CHUK: variants seen among roughly 807,000 people sequenced by gnomAD.
The protein encoded by CHUK is inhibitor of nuclear factor kappa-B kinase subunit alpha.
Under a neutral mutation model 104.8 loss-of-function variants are expected in CHUK, and 35 were observed. The ratio of observed to expected loss-of-function variants is 0.33; its 90% confidence interval spans 0.26 to 0.44. The LOEUF (loss-of-function observed/expected upper bound fraction) is 0.44, where lower values mean the gene tolerates loss of function less well. Among genes scored for constraint, CHUK ranks in the 20% least tolerant of loss-of-function variants. The pLI, the probability that CHUK is intolerant of heterozygous loss-of-function variation, is 1.00. For synonymous variants in CHUK, 276 were observed against 291.9 expected (o/e 0.95, Z 0.56); for missense variants, 663 against 902.7 (o/e 0.73, Z 3.40).
chr10:100,228,016 C>T (rs1471482810), intron 1 of CHUK, among the ~76,000 whole-genome samples: 1 of 152,160 alleles, frequency 6.6e-6, no homozygotes, highest in Non-Finnish European at 1.5e-5. Context: ...TTCCTTAAGG[C>T]CAATTAATGA....
chr10:100,189,637 G>T lies in CHUK; in HGVS notation c.2209-10C>A. The T allele has an allele frequency of 6.2e-7, 1 of 1,608,258 alleles. No individual in the cohort carries two copies. Among genetic ancestry groups the T allele is most frequent in the Non-Finnish European group, 8.5e-7 (1 of 1,174,770 alleles). On this transcript the variant is annotated splice_polypyrimidine_tract_variant and intron_variant, in intron 20 of 20. Coordinates refer to ENST00000370397, the MANE Select transcript of CHUK (RefSeq NM_001278.5). ...AACTCCAATCAAGATTCTAAAACCA[G>T]GCATGAAAAAGTTACAATTAGATGT...
intron 18 of CHUK, 92 bp from the exon 19 acceptor site, chr10:100,193,523 C>T: frequency 5.6e-6 from 8 of 1,428,110 alleles, no homozygotes; most frequent in Non-Finnish European, 7.8e-6. Context: ...ACTTACATTT[C>T]CGTTACTACT....
intron 2 of CHUK, among the ~76,000 whole-genome samples, chr10:100,225,274 TGGCAA>T (rs1434668331): frequency 2.6e-5 from 4 of 152,254 alleles, no homozygotes; most frequent in African/African-American, 9.6e-5. Flanking sequence ...CTTCACCCTC[TGGCAA>T]ACACCATTCT....
In CHUK at chr10:100,190,916, T is replaced by C. The variant is rs763933436; in HGVS notation, c.2161A>G (p.Ser721Gly). 1.2e-6 allele frequency: 2 copies of C among 1,612,930 alleles called. No homozygotes were observed. Among genetic ancestry groups the C allele is most frequent in the African/African-American group, 1.3e-5 (1 of 74,910 alleles). ...EENLNCLGHL[S>G]TIIHEANEEQ... The stretch of plus-strand genomic sequence containing the variant: ...TCATTTGCCTCATGAATAATAGTGC[T>C]TAAATGGCCAAGGCAGTTCAAATTT... The change falls in exon 20 of 21, where the codon AGC becomes GGC. Residue 721 changes from serine (S) to glycine (G), a missense_variant. Ser to Gly is a moderately conservative substitution (Grantham distance 56, BLOSUM62 0). Coordinates refer to ENST00000370397, the MANE Select transcript of CHUK (RefSeq NM_001278.5).
In CHUK at chr10:100,189,513, A is replaced by C. The variant is rs1845145172; in HGVS notation, c.*85T>G. On this transcript the variant is annotated 3_prime_UTR_variant, in exon 21 of 21. Coordinates refer to ENST00000370397, the MANE Select transcript of CHUK (RefSeq NM_001278.5). ...ATTTCTTCCATTGACTGATGTCTGA[A>C]GAATGGTTTCATGGGGGAAAAACAC... is the stretch of plus-strand genomic sequence containing the variant. 1 of 1,040,508 alleles carries C rather than the reference A, an allele frequency of 9.6e-7. No homozygotes were observed. The highest frequency in any genetic ancestry group is 1.6e-5 in the African/African-American group (1 of 64,030). 64.5% of individuals were successfully genotyped at this position (1,040,508 alleles called of 1,614,324 possible).
chr10:100,193,218 G>A, intron 19 of CHUK, 80 bp downstream of exon 19: 1 of 1,491,412 alleles, frequency 6.7e-7, no homozygotes, highest in Non-Finnish European at 9.3e-7. Flanking sequence ...AGGCACAGAA[G>A]ACTACCTTAA....
downstream of CHUK, chr10:100,187,112 A>C (rs1845047397): frequency 2.6e-5 from 4 of 152,258 alleles, no homozygotes; most frequent in African/African-American, 9.7e-5. Flanking sequence ...CTTGGTTCCT[A>C]ACAGGCCACT....
At chr10:100,228,433 C>G (rs900741295) in intron 1 of CHUK, among the ~76,000 whole-genome samples, 1 of 152,158 alleles carries the variant, frequency 6.6e-6, no homozygotes, top group Non-Finnish European at 1.5e-5. Context: ...ACAGGTGGAT[C>G]GCCTGAGGTC....
intron 12 of CHUK, 149 bp from the exon 13 acceptor site, chr10:100,204,806 C>G (rs1323966288): frequency 2.5e-5 from 19 of 770,058 alleles, no homozygotes; most frequent in Non-Finnish European, 3.7e-5. Context: ...GCTCTAGAAT[C>G]TGATCTCTAA....
At position 100,204,568 on chromosome 10, in the gene CHUK, A is replaced by G; in HGVS notation, c.1445T>C (p.Phe482Ser). The change falls in exon 13 of 21, where the codon TTT becomes TCT. Residue 482 changes from phenylalanine (F) to serine (S), a missense_variant. By Grantham distance (155) the Phe-to-Ser change is radical. Transcript: ENST00000370397. ...GTCAAGCTGAATGCTTTTGTGAAAAAACTCCAATTTAGCTTTCAGTTGTTG... is the reference window on the plus strand; with the variant it reads ...GTCAAGCTGAATGCTTTTGTGAAAAGACTCCAATTTAGCTTTCAGTTGTTG... ...ASQQLKAKLE[F>S]FHKSIQLDLE... 1 of 1,613,646 alleles carries G rather than the reference A, an allele frequency of 6.2e-7. No homozygotes were observed. Among genetic ancestry groups the G allele is most frequent in the East Asian group, 2.2e-5 (1 of 44,838 alleles).
Position 100,228,993 on chromosome 10 carries a change from G to GCACACACACACACA in CHUK, c.105+421_105+434dup, listed in dbSNP as rs59218517. Among the ~76,000 whole-genome samples the GCACACACACACACA allele has an allele frequency of 8.6e-3, 1,153 of 133,512 alleles. 18 individuals are homozygous for GCACACACACACACA. The highest frequency in any genetic ancestry group is 0.065 in the East Asian group (282 of 4,330). The allele number at this position is 133,512 out of a possible 152,430, so 87.6% of individuals were successfully genotyped here. On this transcript the variant is annotated intron_variant, in intron 1 of 20. Coordinates refer to ENST00000370397, the MANE Select transcript of CHUK (RefSeq NM_001278.5). ...GGCCTCCAAGCGCGCGCGCGCGCGCGCACACACACACACACACACACACAC... is the reference window on the plus strand; with the variant it reads ...GGCCTCCAAGCGCGCGCGCGCGCGCGCACACACACACACACACACACACACACACACACACACAC...
intron 16 of CHUK, among the ~76,000 whole-genome samples, chr10:100,196,590 A>G (rs567548952): frequency 1.3e-5 from 2 of 151,996 alleles, no homozygotes; most frequent in African/African-American, 4.8e-5. Flanking sequence ...TTGTAGAGAC[A>G]GGGTCTCACT....
chr10:100,209,518 G>A, intron 10 of CHUK, 77 bp downstream of exon 10: 3 of 873,332 alleles, frequency 3.4e-6, no homozygotes, highest in Non-Finnish European at 5.8e-6. Context: ...GGAATTCCAA[G>A]TATGCATAAA....
chr10:100,218,208 T>C, intron 8 of CHUK, 78 bp from the exon 9 acceptor site: 1 of 1,302,160 alleles, frequency 7.7e-7, no homozygotes, highest in Non-Finnish European at 1.1e-6. Flanking sequence ...AAGGTAATTT[T>C]GCAGGTTGTC....
At chr10:100,228,814 T>C (rs1456584251) in intron 1 of CHUK, among the ~76,000 whole-genome samples, 1 of 152,064 alleles carries the variant, frequency 6.6e-6, no homozygotes, top group Non-Finnish European at 1.5e-5. Context: ...ATATAGCCTT[T>C]CGTTTGAAGC....
chr10:100,194,122 C>G lies in CHUK; in HGVS notation c.1836G>C (p.Leu612Phe). The G allele has an allele frequency of 1.2e-6, 2 of 1,613,380 alleles. No homozygotes were observed. Among genetic ancestry groups the G allele is most frequent in the Non-Finnish European group, 1.7e-6 (2 of 1,179,926 alleles). The change falls in exon 18 of 21, where the codon TTG (leucine) becomes TTC (phenylalanine). Residue 612 changes from leucine (L) to phenylalanine (F), a missense_variant. Transcript: ENST00000370397. The part of the protein sequence containing the change: ...KELFGHLSKL[L>F]GCKQKIIDLL... ...GATCAATAATCTTCTGCTTACAGCC[C>G]AACAACTTGCTGGAGAGATTAAATC... is the stretch of plus-strand genomic sequence containing the variant.
At chr10:100,225,482 T>G (rs1188134607) in intron 2 of CHUK, among the ~76,000 whole-genome samples, 1 of 152,244 alleles carries the variant, frequency 6.6e-6, no homozygotes, top group African/African-American at 2.4e-5. Context: ...TACCACATTT[T>G]GTTTATACAT....
At chr10:100,201,940 C>T in intron 14 of CHUK, 148 bp downstream of exon 14, 1 of 690,222 alleles carries the variant, frequency 1.4e-6, no homozygotes, top group Non-Finnish European at 2.6e-6. Context: ...TATGATACAT[C>T]CCTCTTTATA....
intron 14 of CHUK, 61 bp downstream of exon 14, chr10:100,202,027 A>G: frequency 8.0e-7 from 1 of 1,244,584 alleles, no homozygotes; most frequent in Non-Finnish European, 1.2e-6. Context: ...AAAACCAAAG[A>G]TAGTTTCTAA....
Sources: gnomAD v4.1 joint callset for allele counts (sites outside exome capture counted in the v4.1 genomes callset) on GRCh38, gnomAD v4.1.1 for gene constraint, MANE v1.5 for transcripts, NCBI Gene and HGNC (gene_info 2026-07-23, HGNC 2026-07-21) for gene names.